CALB2: variants seen among roughly 807,000 people sequenced by gnomAD.
CALB2 encodes the protein calretinin.
A neutral mutation model predicts 45.9 loss-of-function variants in CALB2; 34 were observed. That is an observed-to-expected ratio of 0.74 (90% CI 0.56 to 0.99). The LOEUF is 0.99. CALB2 is among the 50% of genes least tolerant of loss of function. The pLI is 0.00. For synonymous variants in CALB2, 142 were observed against 129.6 expected, an observed-to-expected ratio of 1.10 and a Z score of -0.65; for missense variants, 344 against 339.3, an observed-to-expected ratio of 1.01 and a Z score of -0.11.
At chr16:71,382,155 A>AAGGAAGGAAGGAAGGAAGGAAG (rs61050017) in intron 4 of CALB2, among the ~76,000 whole-genome samples, 15 of 144,518 alleles carry the variant, frequency 1.0e-4, no homozygotes, top group Admixed American at 5.7e-4. Context: ...AAGGAAGGAA[A>AAGGAAGGAAGGAAGGAAGGAAG]GAAAATAAAG....
At chr16:71,377,335 CTTAGA>C (rs1196362130) in intron 3 of CALB2, among the ~76,000 whole-genome samples, 3 of 152,122 alleles carry the variant, frequency 2.0e-5, no homozygotes, top group Non-Finnish European at 4.4e-5. Context: ...CACCCATCTA[CTTAGA>C]TTAGTTTGCA....
chr16:71,384,123 G>A lies in CALB2; in HGVS notation c.533+98G>A, dbSNP rs961530632. ...CCATTGGTGGGAAAGTGACAGGTGCGGGTGTCAAGAAGCTCAAGACAAAGC... is the reference window on the plus strand; with the variant it reads ...CCATTGGTGGGAAAGTGACAGGTGCAGGTGTCAAGAAGCTCAAGACAAAGC... On this transcript the variant is annotated intron_variant, in intron 7 of 10. Coordinates refer to ENST00000302628, the MANE Select transcript of CALB2 (RefSeq NM_001740.5). The A allele has an allele frequency of 5.8e-5, 78 of 1,345,206 alleles. No homozygotes were observed. The African/African-American group carries it at 8.2e-4, about 14-fold the overall frequency. The allele number at this position is 1,345,206 out of a possible 1,614,324, so 83.3% of individuals were successfully genotyped here.
intron 10 of CALB2, chr16:71,389,521 A>C (rs760173792): frequency 1.4e-6 from 1 of 699,176 alleles, no homozygotes; most frequent in Non-Finnish European, 2.7e-6. Context: ...GCTGAGTCTC[A>C]GGAAGGTTGA....
rs183941273 is a variant in CALB2 at position 71,381,021 on chromosome 16, G to A, written c.343-1698G>A. ...GAGCTGGCATCCTGGCGGGGTGCAT[G>A]GTCGGAAGTGGACCCGCTGGCAAGA... On this transcript the variant is annotated intron_variant, in intron 4 of 10. Transcript: ENST00000302628. Among the ~76,000 whole-genome samples, 16 of 152,352 alleles carry A rather than the reference G, an allele frequency of 1.1e-4. No homozygotes were observed. In the East Asian group the frequency reaches 3.1e-3, roughly 29 times the overall value.
chr16:71,376,037 G>T (rs2144976504), intron 3 of CALB2, among the ~76,000 whole-genome samples: 1 of 152,330 alleles, frequency 6.6e-6, no homozygotes, highest in African/African-American at 2.4e-5. Flanking sequence ...GGAGCAGGGA[G>T]AGGCACCAAG....
chr16:71,363,505 T>A (rs778562373), intron 1 of CALB2, among the ~76,000 whole-genome samples: 15 of 152,158 alleles, frequency 9.9e-5, no homozygotes, highest in Non-Finnish European at 7.4e-5. Context: ...AGAAGTCTTC[T>A]CCAAGCCCAC....
chr16:71,358,955 G>A (rs1384934747), intron 1 of CALB2, 69 bp downstream of exon 1: 39 of 1,351,118 alleles, frequency 2.9e-5, no homozygotes, highest in Non-Finnish European at 3.0e-5. Flanking sequence ...GGCAGGGGGC[G>A]GCGCTGAATG....
At position 71,382,726 on chromosome 16, in the gene CALB2, G is replaced by A. The variant is rs140667050; in HGVS notation, c.350G>A (p.Arg117Gln). The change falls in exon 5 of 11, where the codon CGG (arginine) becomes CAG (glutamine). Residue 117 changes from arginine to glutamine, a missense_variant. Physicochemically the swap from Arg to Gln is conservative, Grantham distance 43. This residue lies in a region of CALB2 where 263 missense variants were observed against 241.7 expected (regional missense o/e 1.09). Transcript: ENST00000302628. The part of the protein sequence containing the change: ...GSSAEFMEAW[R>Q]KYDTDRSGYI... Reference sequence around the variant, plus strand: ...ACATTCCTGTTGTTGCAGGCTTGGCGGAAGTACGACACAGACAGGAGTGGC... The same window carrying A: ...ACATTCCTGTTGTTGCAGGCTTGGCAGAAGTACGACACAGACAGGAGTGGC... 2.1e-5 allele frequency: 34 copies of A among 1,611,624 alleles called. No individual in the cohort carries two copies. Among genetic ancestry groups the A allele is most frequent in the Middle Eastern group, 1.7e-4 (1 of 6,050 alleles).
At chr16:71,387,014 A>G (rs1463580298) in intron 10 of CALB2, among the ~76,000 whole-genome samples, 1 of 152,232 alleles carries the variant, frequency 6.6e-6, no homozygotes, top group Non-Finnish European at 1.5e-5. Context: ...AAAATTATGT[A>G]TGTGCCCGTA....
At chr16:71,380,383 A>G (rs202074665) in intron 4 of CALB2, among the ~76,000 whole-genome samples, 1 of 130,428 alleles carries the variant, frequency 7.7e-6, no homozygotes, top group East Asian at 2.2e-4. Context: ...ATCTCAGCTC[A>G]CTACAACCTC....
chr16:71,383,209 C>T (rs1236290664), intron 5 of CALB2, among the ~76,000 whole-genome samples, 158 bp from the exon 6 acceptor site: 4 of 152,112 alleles, frequency 2.6e-5, no homozygotes, highest in African/African-American at 9.7e-5. Context: ...AGTCACTCCC[C>T]AAGAGTTAGG....
At chr16:71,386,287 G>A (rs1419447428) in intron 10 of CALB2, among the ~76,000 whole-genome samples, 1 of 152,198 alleles carries the variant, frequency 6.6e-6, no homozygotes, top group East Asian at 1.9e-4. Flanking sequence ...TGTTGTGGGG[G>A]ATGCTGCTGT....
intron 1 of CALB2, among the ~76,000 whole-genome samples, chr16:71,362,491 T>C (rs934167948): frequency 1.3e-5 from 2 of 152,230 alleles, no homozygotes; most frequent in Non-Finnish European, 2.9e-5. Context: ...AACATGTCTA[T>C]TACAGTGTTC....
At position 71,382,783 on chromosome 16, in the gene CALB2, G is replaced by A. The variant is rs560504358; in HGVS notation, c.399+8G>A. ...GAAGCCAATGAGCTCAAGGTAGGAT[G>A]GGCCTTGGGGAGGGTGTGAGGCCAG... is the stretch of plus-strand genomic sequence containing the variant. On this transcript the variant is annotated splice_region_variant and intron_variant, in intron 5 of 10. Coordinates refer to ENST00000302628, the MANE Select transcript of CALB2 (RefSeq NM_001740.5). 63 of 1,606,074 alleles carry A rather than the reference G, an allele frequency of 3.9e-5. No homozygotes were observed. Among genetic ancestry groups the A allele is most frequent in the Admixed American group, 1.2e-4 (7 of 58,350 alleles).
chr16:71,382,560 T>A (rs1466948407), intron 4 of CALB2, among the ~76,000 whole-genome samples, 159 bp from the exon 5 acceptor site: 1 of 152,260 alleles, frequency 6.6e-6, no homozygotes, highest in African/African-American at 2.4e-5. Flanking sequence ...TCCTTCTCTG[T>A]GACCTTGAAG....
chr16:71,383,872 G>C, intron 6 of CALB2, 98 bp from the exon 7 acceptor site: 1 of 1,369,264 alleles, frequency 7.3e-7, no homozygotes, highest in Non-Finnish European at 1.0e-6. Flanking sequence ...GCATGAGCAC[G>C]TGTCACCCGT....
chr16:71,389,686 G>A (rs1335276944), intron 10 of CALB2, 63 bp from the exon 11 acceptor site: 16 of 1,120,370 alleles, frequency 1.4e-5, no homozygotes, highest in Non-Finnish European at 1.8e-5. Context: ...GAATGTGGAC[G>A]TGGGCTCCTT....
At chr16:71,365,267 T>C (rs1014128424) in intron 1 of CALB2, among the ~76,000 whole-genome samples, 1 of 152,162 alleles carries the variant, frequency 6.6e-6, no homozygotes, top group African/African-American at 2.4e-5. Context: ...GAAATTCTGG[T>C]GCAGCTCAAG....
intron 4 of CALB2, among the ~76,000 whole-genome samples, chr16:71,378,095 G>T (rs1306063343): frequency 3.3e-5 from 5 of 152,034 alleles, no homozygotes; most frequent in Non-Finnish European, 5.9e-5. Flanking sequence ...GTGGTGGCGG[G>T]CACCTGTAAT....
Sources: gnomAD v4.1 joint callset for allele counts (sites outside exome capture counted in the v4.1 genomes callset) on GRCh38, gnomAD v4.1.1 for gene constraint, gnomAD v4.1.1 regional missense constraint, MANE v1.5 for transcripts, NCBI Gene and HGNC (gene_info 2026-07-23, HGNC 2026-07-21) for gene names.